Variants in CCDC7 observed in about 807,000 individuals in gnomAD.
CCDC7 encodes coiled-coil domain-containing protein 7.
CCDC7 carries 183 observed loss-of-function variants against 196.9 expected under a neutral mutation model. The ratio of observed to expected loss-of-function variants is 0.93; its 90% CI spans 0.82 to 1.05. The LOEUF (loss-of-function observed/expected upper bound fraction) is 1.05, where lower values mean the gene tolerates loss of function less well. Among genes scored for constraint, CCDC7 ranks in the 50% least tolerant of loss-of-function variants. The pLI, the probability that CCDC7 is intolerant of heterozygous loss-of-function variation, is 0.00. For synonymous variants in CCDC7, 525 were observed against 484.6 expected, an observed-to-expected ratio of 1.08 and a Z score of -1.10; for missense variants, 1,540 against 1,482.2, an observed-to-expected ratio of 1.04 and a Z score of -0.64.
At chr10:32,862,305 C>CT (rs1232339465) in intron 41 of CCDC7, among the ~76,000 whole-genome samples, 1 of 151,602 alleles carries the variant, frequency 6.6e-6, no homozygotes, top group Non-Finnish European at 1.5e-5. Flanking sequence ...TCACAGCAAA[C>CT]TAACACAAGA....
chr10:32,728,531 A>G (rs143333820), intron 26 of CCDC7, among the ~76,000 whole-genome samples: 19 of 152,296 alleles, frequency 1.2e-4, no homozygotes, highest in African/African-American at 4.3e-4. Context: ...ATATTTTGCA[A>G]TTACAAATAA....
intron 18 of CCDC7, among the ~76,000 whole-genome samples, chr10:32,594,181 G>C (rs970166344): frequency 1.3e-5 from 2 of 152,178 alleles, no homozygotes; most frequent in Admixed American, 6.5e-5. Context: ...TTATCCATGA[G>C]CATGGAATGT....
At chr10:32,674,163 C>G (rs2074538936) in intron 21 of CCDC7, among the ~76,000 whole-genome samples, 1 of 140,770 alleles carries the variant, frequency 7.1e-6, no homozygotes, top group Non-Finnish European at 1.6e-5. Context: ...TCTTATTTTT[C>G]TTTTTCCTTG....
intron 20 of CCDC7, among the ~76,000 whole-genome samples, chr10:32,655,157 C>T (rs573231148): frequency 6.6e-5 from 10 of 152,088 alleles, no homozygotes; most frequent in South Asian, 2.1e-4. Flanking sequence ...TTTGCCCTCT[C>T]TAGGGGTTGT....
chr10:32,715,973 C>T (rs933262232), intron 25 of CCDC7, among the ~76,000 whole-genome samples: 1 of 152,164 alleles, frequency 6.6e-6, no homozygotes, highest in Non-Finnish European at 1.5e-5. Context: ...AGTTGGAAAA[C>T]ATGCTGCAGG....
Position 32,820,874 on chromosome 10 carries a change from C to T in CCDC7, c.3182-3644C>T, listed in dbSNP as rs1593123648. ...AAACCATAAAAACCCTAGAAGAAAA[C>T]CTAGGCAATACCATTCAGGACATAG... On this transcript the variant is annotated intron_variant, in intron 31 of 41. Coordinates refer to ENST00000639629, the Ensembl canonical transcript of CCDC7. 1.6e-4 allele frequency among the ~76,000 whole-genome samples: 24 copies of T among 152,242 alleles called. 2 individuals are homozygous for T. In the South Asian group the frequency reaches 5.0e-3, roughly 32 times the overall value.
chr10:32,464,650 C>T (rs11008945), intron 5 of CCDC7, among the ~76,000 whole-genome samples: 13,285 of 152,044 alleles, frequency 0.087, 858 homozygotes, highest in East Asian at 0.33. Flanking sequence ...GCTGGGACCA[C>T]GGGCATGAGC....
chr10:32,664,556 C>G (rs1455771657), intron 21 of CCDC7, among the ~76,000 whole-genome samples: 2 of 152,036 alleles, frequency 1.3e-5, no homozygotes, highest in Non-Finnish European at 2.9e-5. Flanking sequence ...ATGAACTTGA[C>G]TTTTTAAAAC....
chr10:32,471,158 G>A (rs2037860760), exon 6 of CCDC7: 1 of 1,612,720 alleles, frequency 6.2e-7, no homozygotes, highest in Admixed American at 1.7e-5. Context: ...CTTGTACAAA[G>A]ATTTGAAGAA....
intron 19 of CCDC7, 89 bp downstream of exon 20, chr10:32,634,453 G>A (rs186121257): frequency 2.0e-6 from 1 of 491,364 alleles, no homozygotes; most frequent in South Asian, 1.1e-4. Flanking sequence ...CTGGAGTGCA[G>A]TGGCATGATC....
downstream of CCDC7, among the ~76,000 whole-genome samples, chr10:32,879,099 C>T (rs1481050475): frequency 6.6e-6 from 1 of 151,890 alleles, no homozygotes; most frequent in Non-Finnish European, 1.5e-5. Flanking sequence ...GTAGGATGTA[C>T]AGGTTTGTTA....
At chr10:32,543,503 A>G (rs953918952) in intron 12 of CCDC7, 118 bp downstream of exon 13, 26 of 1,032,430 alleles carry the variant, frequency 2.5e-5, no homozygotes, top group Non-Finnish European at 2.9e-5. Flanking sequence ...AAAACATAAA[A>G]TTGGCAAATA....
chr10:32,562,872 G>C (rs1371510799), intron 13 of CCDC7, among the ~76,000 whole-genome samples: 1 of 152,198 alleles, frequency 6.6e-6, no homozygotes, highest in Non-Finnish European at 1.5e-5. Flanking sequence ...CCTGTTTGCA[G>C]ATGACATGAT....
intron 28 of CCDC7, among the ~76,000 whole-genome samples, chr10:32,750,956 TG>T (rs1299410629): frequency 1.3e-5 from 2 of 152,254 alleles, no homozygotes; most frequent in African/African-American, 4.8e-5. Context: ...TTATATAAAG[TG>T]GCAGAGGATA....
chr10:32,606,904 A>G (rs2061610111), intron 18 of CCDC7, among the ~76,000 whole-genome samples: 2 of 152,210 alleles, frequency 1.3e-5, no homozygotes, highest in South Asian at 4.1e-4. Flanking sequence ...GTATTCTGAA[A>G]TGTGAGAAGG....
chr10:32,680,220 G>A (rs1434232636), intron 21 of CCDC7, among the ~76,000 whole-genome samples: 1 of 152,134 alleles, frequency 6.6e-6, no homozygotes, highest in Non-Finnish European at 1.5e-5. Flanking sequence ...ACATTGGGCA[G>A]GTTCGCAGTC....
intron 28 of CCDC7, among the ~76,000 whole-genome samples, chr10:32,740,372 A>C (rs991118212): frequency 6.6e-6 from 1 of 152,258 alleles, no homozygotes; most frequent in Non-Finnish European, 1.5e-5. Flanking sequence ...GAGGAAATAC[A>C]GTTGATACTT....
chr10:32,474,152 G>A (rs1328178872), intron 8 of CCDC7, 129 bp downstream of exon 9: 2 of 741,152 alleles, frequency 2.7e-6, no homozygotes, highest in African/African-American at 1.9e-5. Context: ...TAGTTGAGCT[G>A]GTTGTCAAGC....
chr10:32,771,351 T>C (rs141719065), intron 28 of CCDC7, among the ~76,000 whole-genome samples: 52 of 152,338 alleles, frequency 3.4e-4, no homozygotes, highest in Non-Finnish European at 7.1e-4. Flanking sequence ...TACAAAACTC[T>C]TGGCTGACAG....
Sources: allele counts gnomAD v4.1 joint callset (sites outside exome capture counted in the v4.1 genomes callset), GRCh38; gene constraint gnomAD v4.1.1; transcripts MANE v1.5; gene names NCBI Gene and HGNC (gene_info 2026-07-23, HGNC 2026-07-21).